Variants in SDHB observed in about 807,000 individuals in gnomAD.
SDHB encodes the protein succinate dehydrogenase complex iron sulfur subunit B.
A neutral mutation model predicts 39.7 loss-of-function variants in SDHB; 21 were observed. That is an observed-to-expected ratio of 0.53 (90% confidence interval 0.37 to 0.76). The LOEUF (loss-of-function observed/expected upper bound fraction) is 0.76. SDHB is among the 30% of genes least tolerant of loss of function. The pLI, the probability that SDHB is intolerant of heterozygous loss-of-function variation, is 0.00. For missense variants in SDHB, 343 were observed against 350.9 expected, an observed-to-expected ratio of 0.98 and a Z score of 0.18; for synonymous variants, 118 against 117.0, an observed-to-expected ratio of 1.01 and a Z score of -0.06.
chr1:17,053,979 G>A lies in SDHB; in HGVS notation c.41C>T (p.Pro14Leu), dbSNP rs764089231. 11 of 1,613,022 alleles carry A rather than the reference G, an allele frequency of 6.8e-6. No individual in the cohort carries two copies. Among genetic ancestry groups the A allele is most frequent in the East Asian group, 6.7e-5 (3 of 44,862 alleles). ...VVALSLRRRL[P>L]ATTLGGACLQ... ...GCAGGCTCCGCCAAGGGTTGTGGCC[G>A]GCAACCGGCGCCTCAAGGAGAGGGC... The change falls in exon 1 of 8, where the codon CCG (proline) becomes CTG (leucine). Residue 14 changes from proline (P) to leucine (L), a missense_variant. Transcript: ENST00000375499.
intron 1 of SDHB, among the ~76,000 whole-genome samples, chr1:17,046,422 T>C (rs560195525): frequency 1.3e-5 from 2 of 152,298 alleles, no homozygotes; most frequent in East Asian, 3.9e-4. Flanking sequence ...ATTCACTAAT[T>C]TTAAGGGTAT....
At position 17,053,958 on chromosome 1, in the gene SDHB, G is replaced by A. The variant is rs2078163173; in HGVS notation, c.62C>T (p.Ala21Val). The A allele has an allele frequency of 1.9e-6, 3 of 1,612,736 alleles. No homozygotes were observed. Among genetic ancestry groups the A allele is most frequent in the Non-Finnish European group, 1.7e-6 (2 of 1,179,344 alleles). Reference sequence around the variant, plus strand: ...GGCTCCAGGACTCACCTGCAGGCAGGCTCCGCCAAGGGTTGTGGCCGGCAA... The same window carrying A: ...GGCTCCAGGACTCACCTGCAGGCAGACTCCGCCAAGGGTTGTGGCCGGCAA... The part of the protein sequence containing the change: ...RRLPATTLGG[A>V]CLQASRGAQT... Residue 21 changes from alanine (A) to valine (V), a missense_variant, in exon 1 of 8, where the codon GCC becomes GTC. Coordinates refer to ENST00000375499, the MANE Select transcript of SDHB (RefSeq NM_003000.3).
intron 1 of SDHB, among the ~76,000 whole-genome samples, chr1:17,051,973 C>G (rs1331788930): frequency 6.6e-6 from 1 of 151,646 alleles, no homozygotes; most frequent in Non-Finnish European, 1.5e-5. Flanking sequence ...TCCTGTGTAG[C>G]TAGGATTATA....
intron 3 of SDHB, among the ~76,000 whole-genome samples, chr1:17,029,903 CA>C (rs1158528402): frequency 6.6e-6 from 1 of 152,062 alleles, no homozygotes; most frequent in Non-Finnish European, 1.5e-5. Context: ...GCGGCGAATT[CA>C]AAAAAATTCT....
chr1:17,048,239 G>C (rs1043972375), intron 1 of SDHB, among the ~76,000 whole-genome samples: 1 of 152,116 alleles, frequency 6.6e-6, no homozygotes, highest in Non-Finnish European at 1.5e-5. Flanking sequence ...TAATCATCTG[G>C]TATGTAGCCT....
intron 2 of SDHB, among the ~76,000 whole-genome samples, chr1:17,038,407 T>C (rs1047497154): frequency 2.6e-5 from 4 of 152,238 alleles, no homozygotes; most frequent in East Asian, 3.8e-4. Context: ...ATTTTGCATA[T>C]TGACCTTACA....
In SDHB at chr1:17,042,620, A is replaced by T. The variant is rs139637169; in HGVS notation, c.200+2141T>A. Among the ~76,000 whole-genome samples the T allele has an allele frequency of 7.7e-3, 1,175 of 152,234 alleles. 18 individuals carry two copies. The highest frequency in any genetic ancestry group is 0.027 in the African/African-American group (1,112 of 41,540). ...TAGTGAAACTCAATTTCTACAAAAA[A>T]TACAAAACTTAGCTGGGTGTGGTGG... On this transcript the variant is annotated intron_variant, in intron 2 of 7. Coordinates refer to ENST00000375499, the MANE Select transcript of SDHB (RefSeq NM_003000.3).
intron 2 of SDHB, among the ~76,000 whole-genome samples, chr1:17,041,395 C>T (rs1186209392): frequency 2.0e-5 from 3 of 152,052 alleles, no homozygotes; most frequent in South Asian, 2.1e-4. Context: ...TTCCACTGGG[C>T]GCGGTGGCTC....
rs1310341038 is a variant in SDHB at position 17,028,712 on chromosome 1, T to C, written c.311A>G (p.Asn104Ser). The change falls in exon 4 of 8, where the codon AAC becomes AGC. Residue 104 changes from asparagine (N) to serine (S), a missense_variant. Transcript: ENST00000375499. ...REGICGSCAMNINGGNTLACT... is the reference protein window; with the variant it reads ...REGICGSCAMSINGGNTLACT... ...AGCTAGAGTGTTGCCTCCATTGATGTTCATTGCACAAGAGCCACAGATGCC... is the reference window on the plus strand; with the variant it reads ...AGCTAGAGTGTTGCCTCCATTGATGCTCATTGCACAAGAGCCACAGATGCC... The C allele has an allele frequency of 6.2e-7, 1 of 1,614,178 alleles. No individual in the cohort carries two copies. The highest frequency in any genetic ancestry group is 8.5e-7 in the Non-Finnish European group (1 of 1,180,028).
Position 17,044,908 on chromosome 1 carries a change from A to C in SDHB, c.73-20T>G. The C allele has an allele frequency of 6.2e-7, 1 of 1,610,972 alleles. No homozygotes were observed. The highest frequency in any genetic ancestry group is 1.3e-5 in the African/African-American group (1 of 74,964). On this transcript the variant is annotated intron_variant, in intron 1 of 7. Transcript: ENST00000375499. Reference sequence around the variant, plus strand: ...GGAGGCCTGAAATTTTTTAAAGTTCACAAAAAGGAAAAAAAAATTAGAAAT... The same window carrying C: ...GGAGGCCTGAAATTTTTTAAAGTTCCCAAAAAGGAAAAAAAAATTAGAAAT...
intron 2 of SDHB, among the ~76,000 whole-genome samples, chr1:17,042,930 G>A (rs1220039304): frequency 1.4e-5 from 2 of 144,308 alleles, no homozygotes; most frequent in Non-Finnish European, 3.1e-5. Flanking sequence ...TAGTTTCTAA[G>A]CAGTAGGGTT....
chr1:17,041,978 G>C (rs1169723572), intron 2 of SDHB, among the ~76,000 whole-genome samples: 1 of 151,864 alleles, frequency 6.6e-6, no homozygotes, highest in Non-Finnish European at 1.5e-5. Context: ...CTGGAGTGCA[G>C]TGGTGTGATC....
At chr1:17,029,097 T>TTTG (rs1570949006) in intron 3 of SDHB, among the ~76,000 whole-genome samples, 1 of 138,090 alleles carries the variant, frequency 7.2e-6, no homozygotes. Flanking sequence ...CAGCCTGTTT[T>TTTG]TTTTTTTTTT....
Position 17,018,729 on chromosome 1 carries a change from T to G in SDHB, c.*152A>C, listed in dbSNP as rs202218720. The G allele has an allele frequency of 1.1e-5, 7 of 635,194 alleles. No individual in the cohort carries two copies. Among genetic ancestry groups the G allele is most frequent in the African/African-American group, 5.6e-5 (3 of 54,042 alleles). 39.3% of individuals were successfully genotyped at this position (635,194 alleles called of 1,614,324 possible). On this transcript the variant is annotated 3_prime_UTR_variant, in exon 8 of 8. Transcript: ENST00000375499. The stretch of plus-strand genomic sequence containing the variant: ...AAGTAAAGGAACAGGTTCTTTTTTT[T>G]TTGTTAATAAAGTAGAATAACATTT...
At chr1:17,022,300 C>G (rs575308948) in intron 7 of SDHB, among the ~76,000 whole-genome samples, 5 of 152,146 alleles carry the variant, frequency 3.3e-5, no homozygotes, top group Non-Finnish European at 7.4e-5. Context: ...CAACGGCTTT[C>G]GCTTTCTGTT....
chr1:17,021,615 C>T (rs1021507965), intron 7 of SDHB, among the ~76,000 whole-genome samples: 3 of 151,932 alleles, frequency 2.0e-5, no homozygotes, highest in Non-Finnish European at 4.4e-5. Context: ...ATGAGTGGTG[C>T]CTGCCTGTAA....
At chr1:17,042,224 C>T (rs2078084277) in intron 2 of SDHB, among the ~76,000 whole-genome samples, 2 of 152,326 alleles carry the variant, frequency 1.3e-5, no homozygotes, top group Middle Eastern at 6.8e-3. Flanking sequence ...CCCGTTACTT[C>T]CCATACCAAC....
At chr1:17,028,983 T>C (rs968398349) in intron 3 of SDHB, among the ~76,000 whole-genome samples, 1 of 151,656 alleles carries the variant, frequency 6.6e-6, no homozygotes, top group Non-Finnish European at 1.5e-5. Flanking sequence ...AGAAGCCACA[T>C]GCCAAGTATG....
intron 1 of SDHB, among the ~76,000 whole-genome samples, chr1:17,051,038 G>C (rs1252269869): frequency 6.6e-6 from 1 of 152,184 alleles, no homozygotes; most frequent in Non-Finnish European, 1.5e-5. Context: ...CAACCTTTTA[G>C]CCATTATAAC....
Sources: gnomAD v4.1 joint callset for allele counts (sites outside exome capture counted in the v4.1 genomes callset) on GRCh38, gnomAD v4.1.1 for gene constraint, MANE v1.5 for transcripts, NCBI Gene and HGNC (gene_info 2026-07-23, HGNC 2026-07-21) for gene names.